The following TRIO variants were observed in gnomAD, a reference collection of about 807,000 sequenced individuals.
TRIO encodes trio Rho guanine nucleotide exchange factor.
Under a neutral mutation model 351.9 loss-of-function variants are expected in TRIO, and 58 were observed. The observed-to-expected ratio is 0.16, with a 90% confidence interval of 0.13 to 0.21. The LOEUF (loss-of-function observed/expected upper bound fraction) is 0.21, where lower values mean the gene tolerates loss of function less well. Ranked by LOEUF, TRIO falls within the 10% of genes least tolerant of loss-of-function variation. The pLI is 1.00. For missense variants in TRIO, 3,201 were observed against 4,027.8 expected, an observed-to-expected ratio of 0.79 and a Z score of 5.56; for synonymous variants, 1,758 against 1,595.7, an observed-to-expected ratio of 1.10 and a Z score of -2.42.
At chr5:14,288,277 C>T (rs747877185) in intron 4 of TRIO, among the ~76,000 whole-genome samples, 1 of 152,156 alleles carries the variant, frequency 6.6e-6, no homozygotes, top group Non-Finnish European at 1.5e-5. Flanking sequence ...TGATCTCTCC[C>T]TCAGGGCTCT....
intron 4 of TRIO, among the ~76,000 whole-genome samples, chr5:14,288,674 A>T: frequency 6.6e-6 from 1 of 152,018 alleles, no homozygotes; most frequent in East Asian, 1.9e-4. Flanking sequence ...CTCAAAAAAA[A>T]AAAAAGTCCA....
intron 11 of TRIO, among the ~76,000 whole-genome samples, chr5:14,353,031 T>G (rs1292234175): frequency 6.6e-6 from 1 of 152,122 alleles, no homozygotes; most frequent in Non-Finnish European, 1.5e-5. Context: ...CTGTACTATT[T>G]TTAGGAGTAA....
chr5:14,165,584 T>C (rs1018471309), intron 1 of TRIO, among the ~76,000 whole-genome samples: 5 of 152,210 alleles, frequency 3.3e-5, no homozygotes, highest in African/African-American at 2.4e-5. Context: ...TTATTCTTCC[T>C]GTTGACCCTC....
chr5:14,281,815 G>A (rs1165327013), intron 3 of TRIO, among the ~76,000 whole-genome samples: 2 of 152,174 alleles, frequency 1.3e-5, no homozygotes, highest in Admixed American at 1.3e-4. Flanking sequence ...CATAATATGG[G>A]CTGGCTAGAT....
chr5:14,494,884 G>A (rs1363622174), intron 49 of TRIO, among the ~76,000 whole-genome samples: 1 of 152,224 alleles, frequency 6.6e-6, no homozygotes, highest in Non-Finnish European at 1.5e-5. Flanking sequence ...GGGCAGCAGA[G>A]TGAGACTCTG....
chr5:14,387,143 A>G (rs1447011499), intron 21 of TRIO, among the ~76,000 whole-genome samples: 3 of 152,254 alleles, frequency 2.0e-5, no homozygotes, highest in African/African-American at 7.2e-5. Context: ...TCCTCCATGC[A>G]TCCATTCTAC....
intron 39 of TRIO, 87 bp downstream of exon 39, chr5:14,472,745 A>G: frequency 7.4e-7 from 1 of 1,359,028 alleles, no homozygotes; most frequent in East Asian, 2.4e-5. Context: ...AACACCTCTC[A>G]AAAGCTTTAA....
rs141395230 is a variant in TRIO, at chr5:14,258,219, C to T, written c.158-12606C>T. On this transcript the variant is annotated intron_variant, in intron 1 of 56. Coordinates refer to ENST00000344204, the MANE Select transcript of TRIO (RefSeq NM_007118.4). ...CAGCGAGCGTGCTCCTGAATCCTCT[C>T]CACACCTCATCCCCATGTGTGTAGC... Among the ~76,000 whole-genome samples the T allele has an allele frequency of 4.9e-4, 74 of 152,342 alleles. 1 individual carries two copies. Among genetic ancestry groups the T allele is most frequent in the South Asian group, 3.5e-3 (17 of 4,828 alleles).
intron 33 of TRIO, among the ~76,000 whole-genome samples, chr5:14,417,348 A>G (rs1191398401): frequency 6.6e-6 from 1 of 152,228 alleles, no homozygotes; most frequent in Non-Finnish European, 1.5e-5. Context: ...GTGGTTGTCT[A>G]GTGGACATGT....
intron 1 of TRIO, among the ~76,000 whole-genome samples, chr5:14,208,733 G>A (rs1791691620): frequency 6.6e-6 from 1 of 152,182 alleles, no homozygotes; most frequent in South Asian, 2.1e-4. Flanking sequence ...AGTCACAAGT[G>A]GACAGTTCAT....
intron 56 of TRIO, 31 bp downstream of exon 56, chr5:14,507,291 G>T (rs910762924): frequency 3.1e-6 from 5 of 1,608,944 alleles, no homozygotes; most frequent in African/African-American, 2.7e-5. Flanking sequence ...GTGAAGGGGG[G>T]TCTGAGCACA....
At chr5:14,329,953 G>A (rs1740757385) in intron 9 of TRIO, among the ~76,000 whole-genome samples, 1 of 152,174 alleles carries the variant, frequency 6.6e-6, no homozygotes, top group South Asian at 2.1e-4. Context: ...TTGTGGATGC[G>A]GAACCCTTCT....
intron 39 of TRIO, among the ~76,000 whole-genome samples, chr5:14,473,223 A>G (rs758472878): frequency 5.3e-5 from 8 of 152,242 alleles, no homozygotes; most frequent in East Asian, 1.9e-4. Context: ...AGCCATCTCT[A>G]GGCTAATCCC....
At chr5:14,179,038 C>G (rs1394157338) in intron 1 of TRIO, among the ~76,000 whole-genome samples, 1 of 152,206 alleles carries the variant, frequency 6.6e-6, no homozygotes, top group South Asian at 2.1e-4. Flanking sequence ...GTACTCCCCC[C>G]ACCCCCGCAG....
chr5:14,243,994 A>G (rs571003725), intron 1 of TRIO, among the ~76,000 whole-genome samples: 3 of 152,368 alleles, frequency 2.0e-5, no homozygotes, highest in Admixed American at 2.0e-4. Context: ...TCCTGCAGCC[A>G]GGACCTGCTT....
rs1048959954 is a variant in TRIO, at chr5:14,487,906, G to A, written c.7278G>A (p.Ser2426=). 13 of 1,540,650 alleles carry A rather than the reference G, an allele frequency of 8.4e-6. No individual in the cohort carries two copies. The Admixed American group carries it at 2.7e-4, about 31-fold the overall frequency. Reference sequence around the variant, plus strand: ...CCAGGAAAGGCGCCGCGAACGCCTCGGGGTCGAGCCCAGACGCCCCCGCCA... The same window carrying A: ...CCAGGAAAGGCGCCGCGAACGCCTCAGGGTCGAGCCCAGACGCCCCCGCCA... ...ESPRKGAANA[S]GSSPDAPAKD... is the part of the protein sequence containing the mutation. The change falls in exon 48 of 57, where the codon TCG becomes TCA. Residue 2426 remains serine (S), a synonymous_variant. Coordinates refer to ENST00000344204, the MANE Select transcript of TRIO (RefSeq NM_007118.4).
At chr5:14,474,751 C>T (rs1579763211) in intron 40 of TRIO, among the ~76,000 whole-genome samples, 2 of 152,286 alleles carry the variant, frequency 1.3e-5, no homozygotes, top group East Asian at 1.9e-4. Context: ...CAGCCTTGAA[C>T]TCCTGGGTTC....
At chr5:14,217,485 T>C (rs1002813051) in intron 1 of TRIO, among the ~76,000 whole-genome samples, 1 of 152,152 alleles carries the variant, frequency 6.6e-6, no homozygotes, top group African/African-American at 2.4e-5. Flanking sequence ...GTATGAAGTA[T>C]ACAGAAGGTG....
chr5:14,348,720 G>C (rs569493275), intron 11 of TRIO, among the ~76,000 whole-genome samples: 1 of 151,998 alleles, frequency 6.6e-6, no homozygotes, highest in Non-Finnish European at 1.5e-5. Flanking sequence ...GTGTGTGTAC[G>C]CACATGAGCA....
Sources: allele counts gnomAD v4.1 joint callset (sites outside exome capture counted in the v4.1 genomes callset), GRCh38; gene constraint gnomAD v4.1.1; transcripts MANE v1.5; gene names NCBI Gene and HGNC (gene_info 2026-07-23, HGNC 2026-07-21).